Variants in LPL observed in about 807,000 individuals in gnomAD.
LPL encodes the protein lipoprotein lipase, also known as phospholipase A1.
In LPL, 43 loss-of-function variants were observed where a neutral mutation model predicts 52.2. The observed-to-expected ratio is 0.82, with a 90% CI of 0.64 to 1.06. The LOEUF (loss-of-function observed/expected upper bound fraction) is 1.06, where lower values mean the gene tolerates loss of function less well. LPL is among the 50% of genes least tolerant of loss of function. The probability of loss-of-function intolerance (pLI) is 0.00; values close to 1 mark genes in which losing one functional copy is unlikely to be tolerated. For synonymous variants in LPL, 244 were observed against 215.6 expected, an observed-to-expected ratio of 1.13 and a Z score of -1.15; for missense variants, 639 against 585.3, an observed-to-expected ratio of 1.09 and a Z score of -0.95.
Position 19,959,283 on chromosome 8 carries a change from C to T in LPL, c.1042C>T (p.His348Tyr). ...YKVFHYQVKIHFSGTESETHT... is the reference protein window; with the variant it reads ...YKVFHYQVKIYFSGTESETHT... ...AGTCTTCCATTACCAAGTAAAGATT[C>T]ATTTTTCTGGGACTGAGAGTGAAAC... Residue 348 changes from histidine to tyrosine, a missense_variant, in exon 7 of 10, where the codon CAT (histidine) becomes TAT (tyrosine). Coordinates refer to ENST00000650287, the MANE Select transcript of LPL (RefSeq NM_000237.3). The T allele has an allele frequency of 1.2e-6, 2 of 1,614,122 alleles. No individual in the cohort carries two copies. Among genetic ancestry groups the T allele is most frequent in the Non-Finnish European group, 1.7e-6 (2 of 1,179,990 alleles).
rs367924602 is a variant in LPL at position 19,948,234 on chromosome 8, A to G, written c.143A>G (p.Asp48Gly). 6.2e-7 allele frequency: 1 copy of G among 1,614,046 alleles called. No individual in the cohort carries two copies. The highest frequency in any genetic ancestry group is 8.5e-7 in the Non-Finnish European group (1 of 1,180,034). The change falls in exon 2 of 10, where the codon GAC (aspartate) becomes GGC (glycine). Residue 48 changes from aspartate (D) to glycine (G), a missense_variant. Coordinates refer to ENST00000650287, the MANE Select transcript of LPL (RefSeq NM_000237.3). ...AAATTTGCCCTAAGGACCCCTGAAGACACAGCTGAGGACACTTGCCACCTC... is the reference window on the plus strand; with the variant it reads ...AAATTTGCCCTAAGGACCCCTGAAGGCACAGCTGAGGACACTTGCCACCTC... ...ESKFALRTPE[D>G]TAEDTCHLIP...
At position 19,951,844 on chromosome 8, in the gene LPL, A is replaced by T; in HGVS notation, c.325A>T (p.Ile109Phe). 6.2e-7 allele frequency: 1 copy of T among 1,614,152 alleles called. No individual in the cohort carries two copies. The highest frequency in any genetic ancestry group is 8.5e-7 in the Non-Finnish European group (1 of 1,180,028). ...LYKREPDSNVIVVDWLSRAQE... is the reference protein window; with the variant it reads ...LYKREPDSNVFVVDWLSRAQE... ...CAAGAGAGAACCAGACTCCAATGTC[A>T]TTGTGGTGGACTGGCTGTCACGGGC... Residue 109 changes from isoleucine to phenylalanine, a missense_variant, in exon 3 of 10, where the codon ATT (isoleucine) becomes TTT (phenylalanine). Ile to Phe is a conservative substitution (Grantham distance 21). Coordinates refer to ENST00000650287, the MANE Select transcript of LPL (RefSeq NM_000237.3).
At position 19,939,478 on chromosome 8, in the gene LPL, T is replaced by C. The variant is rs755056538; in HGVS notation, c.38T>C (p.Val13Ala). Residue 13 changes from valine (V) to alanine (A), a missense_variant, in exon 1 of 10, where the codon GTG becomes GCG. Physicochemically the swap from Val to Ala is moderately conservative, Grantham distance 64. Coordinates refer to ENST00000650287, the MANE Select transcript of LPL (RefSeq NM_000237.3). The surrounding 1 kb of genome is among the most constrained non-coding windows in gnomAD (Gnocchi z 4.0). ...GCCCTGCTCGTGCTGACTCTGGCCG[T>C]GTGGCTCCAGAGTCTGACCGCCTCC... Reference protein sequence around the residue: ...SKALLVLTLAVWLQSLTASRG... With the variant: ...SKALLVLTLAAWLQSLTASRG... 1 of 1,610,634 alleles carries C rather than the reference T, an allele frequency of 6.2e-7. No individual in the cohort carries two copies. Among genetic ancestry groups the C allele is most frequent in the East Asian group, 2.2e-5 (1 of 44,718 alleles).
rs747786336 is a variant in LPL, at chr8:19,961,020, G to A, written c.1259G>A (p.Trp420Ter). The A allele has an allele frequency of 1.9e-6, 3 of 1,614,044 alleles. No individual in the cohort carries two copies. Among genetic ancestry groups the A allele is most frequent in the South Asian group, 1.1e-5 (1 of 91,084 alleles). ...KSDSYFSWSDWWSSPGFAIQK... is the reference protein window; with the variant it reads ...KSDSYFSWSD ...GATTCATACTTTAGCTGGTCAGACT[G>A]GTGGAGCAGTCCCGGCTTCGCCATT... The change falls in exon 8 of 10, where the codon TGG becomes TAG. Residue 420 changes from tryptophan (W) to a stop codon, truncating the protein, a stop_gained. Coordinates refer to ENST00000650287, the MANE Select transcript of LPL (RefSeq NM_000237.3). LOFTEE classifies it high-confidence loss of function.
In LPL at chr8:19,953,183, TTAAAA is replaced by T. The variant is rs1193899194; in HGVS notation, c.430-123_430-119del. Reference sequence around the variant, plus strand: ...TCTCTCTCTTACCTGTAACACAAAATTAAAATAAGTAGAATTAGTTTTCAGTATTT... The same window carrying T: ...TCTCTCTCTTACCTGTAACACAAAATTAAGTAGAATTAGTTTTCAGTATTT... On this transcript the variant is annotated intron_variant, in intron 3 of 9. Coordinates refer to ENST00000650287, the MANE Select transcript of LPL (RefSeq NM_000237.3). 1.0e-5 allele frequency: 7 copies of T among 675,324 alleles called. No homozygotes were observed. In the East Asian group the frequency reaches 2.0e-4, roughly 20 times the overall value. The allele number at this position is 675,324 out of a possible 1,614,324, so 41.8% of individuals were successfully genotyped here.
At chr8:19,953,903 A>G (rs1371824674) in intron 4 of LPL, among the ~76,000 whole-genome samples, 1 of 152,220 alleles carries the variant, frequency 6.6e-6, no homozygotes, top group African/African-American at 2.4e-5. Context: ...TCCTGAGTGG[A>G]AACTGCTGCA....
At chr8:19,951,407 A>T (rs1275523023) in intron 2 of LPL, among the ~76,000 whole-genome samples, 1 of 152,252 alleles carries the variant, frequency 6.6e-6, no homozygotes, top group Non-Finnish European at 1.5e-5. Context: ...TTCTGCTCCT[A>T]GCCAGGTGCT....
intron 6 of LPL, among the ~76,000 whole-genome samples, chr8:19,958,112 C>T (rs140991223): frequency 0.018 from 2,700 of 151,858 alleles, 74 homozygotes; most frequent in African/African-American, 0.062. Context: ...CTCTGCTTTC[C>T]GGTTCAAGCG....
At chr8:19,959,760 A>T (rs1414377469) in intron 7 of LPL, among the ~76,000 whole-genome samples, 2 of 141,278 alleles carry the variant, frequency 1.4e-5, no homozygotes, top group African/African-American at 5.3e-5. Context: ...TAAGAAGTCC[A>T]TGACAAAGTG....
intron 9 of LPL, 95 bp downstream of exon 9, chr8:19,962,314 T>C (rs1026652093): frequency 2.3e-6 from 2 of 884,912 alleles, no homozygotes; most frequent in Non-Finnish European, 3.8e-6. Context: ...CACCAGCAGC[T>C]TGCCCTGACT....
In LPL at chr8:19,943,472, C is replaced by T. The variant is rs183824260; in HGVS notation, c.88+3944C>T. Among the ~76,000 whole-genome samples, 11 of 152,236 alleles carry T rather than the reference C, an allele frequency of 7.2e-5. No homozygotes were observed. In the East Asian group the frequency reaches 1.9e-3, roughly 27 times the overall value. On this transcript the variant is annotated intron_variant, in intron 1 of 9. Transcript: ENST00000650287. ...AATAGCGTCCCCATGTTTATTCAGC[C>T]CTCCCTCCAATAAAACAATTGTTGG...
intron 1 of LPL, among the ~76,000 whole-genome samples, chr8:19,941,430 G>A (rs1199848456): frequency 1.3e-5 from 2 of 152,202 alleles, no homozygotes; most frequent in African/African-American, 4.8e-5. Flanking sequence ...TTGGGAGTCA[G>A]TGTCACCTCT....
At chr8:19,962,662 G>A (rs989635841) in intron 9 of LPL, among the ~76,000 whole-genome samples, 14 of 152,148 alleles carry the variant, frequency 9.2e-5, no homozygotes, top group African/African-American at 3.4e-4. Context: ...ATCACCTGCA[G>A]CCACATAGTT....
chr8:19,943,340 T>A (rs1199152332), intron 1 of LPL, among the ~76,000 whole-genome samples: 3 of 152,186 alleles, frequency 2.0e-5, no homozygotes, highest in Non-Finnish European at 4.4e-5. Flanking sequence ...TCATTCAAGA[T>A]ACAGCTATCA....
chr8:19,952,068 C>G, intron 3 of LPL, 120 bp downstream of exon 3: 1 of 1,123,978 alleles, frequency 8.9e-7, no homozygotes, highest in Non-Finnish European at 1.3e-6. Context: ...GCATTCAAAT[C>G]TTCAGAATCA....
chr8:19,940,452 A>G (rs899272110), intron 1 of LPL, among the ~76,000 whole-genome samples: 1 of 152,160 alleles, frequency 6.6e-6, no homozygotes, highest in African/African-American at 2.4e-5. Flanking sequence ...AACGGTGGTC[A>G]CCGCCGCCAG....
intron 9 of LPL, among the ~76,000 whole-genome samples, chr8:19,963,040 A>G (rs1045338442): frequency 1.3e-5 from 2 of 152,244 alleles, no homozygotes; most frequent in African/African-American, 4.8e-5. Context: ...CATGTCATAC[A>G]AGCCAGTGAC....
intron 1 of LPL, chr8:19,946,576 T>C: frequency 3.2e-6 from 1 of 308,812 alleles, no homozygotes; most frequent in Admixed American, 4.7e-5. Context: ...AATTTTGAGT[T>C]GAAAAAAAAG....
chr8:19,956,329 G>A (rs566198841), intron 6 of LPL, among the ~76,000 whole-genome samples: 2 of 152,346 alleles, frequency 1.3e-5, no homozygotes, highest in South Asian at 4.1e-4. Context: ...GCCCTCCCCT[G>A]TAAATGTGGC....
Sources: allele counts gnomAD v4.1 joint callset (sites outside exome capture counted in the v4.1 genomes callset), GRCh38; gene constraint gnomAD v4.1.1; non-coding constraint Gnocchi (gnomAD v3.1); transcripts MANE v1.5; gene names NCBI Gene and HGNC (gene_info 2026-07-23, HGNC 2026-07-21).